Variants in PSG2 observed in about 807,000 individuals in gnomAD.
The protein encoded by PSG2 is pregnancy specific beta-1-glycoprotein 2.
A neutral mutation model predicts 36.2 loss-of-function variants in PSG2; 49 were observed. The observed-to-expected ratio is 1.35, with a 90% CI of 1.08 to 1.72. PSG2 has a LOEUF of 1.72. Ranked by LOEUF, PSG2 falls within the 40% of genes most tolerant of loss-of-function variation. The probability of loss-of-function intolerance (pLI) is 0.00; values close to 1 mark genes in which losing one functional copy is unlikely to be tolerated. For synonymous variants in PSG2, 261 were observed against 155.6 expected, an observed-to-expected ratio of 1.68 and a Z score of -5.04; for missense variants, 605 against 407.2, an observed-to-expected ratio of 1.49 and a Z score of -4.18.
At chr19:43,069,735 A>C (rs1967790310) in intron 4 of PSG2, among the ~76,000 whole-genome samples, 1 of 151,674 alleles carries the variant, frequency 6.6e-6, no homozygotes, top group Non-Finnish European at 1.5e-5. Context: ...GTAAGAGCAA[A>C]AACTGTACAA....
Position 43,081,032 on chromosome 19 carries a change from A to C in PSG2, c.279T>G (p.Pro93=), listed in dbSNP as rs1064916. 19 of 1,612,852 alleles carry C rather than the reference A, an allele frequency of 1.2e-5. No homozygotes were observed. The highest frequency in any genetic ancestry group is 1.5e-5 in the Non-Finnish European group (18 of 1,179,674). The part of the protein sequence containing the change: ...VVDGQIIIYG[P]AYSGRETAYS... ...ATGCTGTTTCTCGTCCACTATATGC[A>C]GGCCCATATATAATTATTTGACCGT... Residue 93 remains proline, a synonymous_variant, in exon 2 of 6, where the codon CCT becomes CCG. Transcript: ENST00000406487.
intron 2 of PSG2, among the ~76,000 whole-genome samples, chr19:43,078,305 G>A (rs1391028290): frequency 6.6e-6 from 1 of 151,746 alleles, no homozygotes; most frequent in Admixed American, 6.6e-5. Context: ...GAAAGACCAT[G>A]AGATTAAGAT....
At chr19:43,079,502 T>A (rs1226836702) in intron 2 of PSG2, among the ~76,000 whole-genome samples, 4 of 150,266 alleles carry the variant, frequency 2.7e-5, no homozygotes, top group African/African-American at 1.0e-4. Flanking sequence ...CTTCATTTGT[T>A]ATGTGAGAGC....
intron 4 of PSG2, among the ~76,000 whole-genome samples, chr19:43,070,654 T>C (rs1424893718): frequency 1.3e-5 from 2 of 151,596 alleles, no homozygotes; most frequent in Non-Finnish European, 2.9e-5. Flanking sequence ...GCCAGTTACA[T>C]AGAGACAGAA....
intron 3 of PSG2, among the ~76,000 whole-genome samples, chr19:43,074,790 G>T (rs1055336641): frequency 6.6e-6 from 1 of 151,778 alleles, no homozygotes; most frequent in African/African-American, 2.4e-5. Flanking sequence ...ATATGTTTTA[G>T]TGATTTGAGG....
Position 43,080,984 on chromosome 19 carries a change from G to T in PSG2, c.327C>A (p.Ile109=), listed in dbSNP as rs778070662. ...CTGCGTCCTCCCGGGTGACATTCTG[G>T]ATCAGCAGGGATGCATTGGAATATG... The part of the protein sequence containing the change: ...ETAYSNASLL[I]QNVTREDAGS... Residue 109 remains isoleucine, a synonymous_variant, in exon 2 of 6, where the codon ATC becomes ATA. Transcript: ENST00000406487. 1.1e-5 allele frequency: 18 copies of T among 1,612,962 alleles called. No individual in the cohort carries two copies. Among genetic ancestry groups the T allele is most frequent in the East Asian group, 2.2e-5 (1 of 44,888 alleles).
intron 4 of PSG2, among the ~76,000 whole-genome samples, chr19:43,070,575 T>C (rs1220367436): frequency 1.3e-5 from 2 of 151,752 alleles, no homozygotes; most frequent in Non-Finnish European, 2.9e-5. Context: ...GATATTATGC[T>C]AACTGAAATA....
chr19:43,072,206 G>A (rs1034938854), intron 3 of PSG2: 1 of 1,434,052 alleles, frequency 7.0e-7, no homozygotes, highest in Non-Finnish European at 9.4e-7. Flanking sequence ...GCCTACCCAG[G>A]TTTTCCCAGG....
At chr19:43,068,688 G>T (rs1177257789) in intron 4 of PSG2, among the ~76,000 whole-genome samples, 1 of 151,446 alleles carries the variant, frequency 6.6e-6, no homozygotes, top group African/African-American at 2.4e-5. Flanking sequence ...TTTTTCATAA[G>T]AAAAACATTG....
At chr19:43,072,570 C>T (rs1394653248) in intron 3 of PSG2, 1 of 1,611,382 alleles carries the variant, frequency 6.2e-7, no homozygotes, top group Non-Finnish European at 8.5e-7. Context: ...AAGGCTAATA[C>T]ATCCTTATTC....
chr19:43,066,186 G>A (rs1296540005), intron 5 of PSG2, among the ~76,000 whole-genome samples: 1 of 151,738 alleles, frequency 6.6e-6, no homozygotes, highest in Admixed American at 6.6e-5. Flanking sequence ...ACTTTGAGAA[G>A]TGGTTGAGCT....
rs550910412 is a variant in PSG2 at position 43,071,929 on chromosome 19, G to T, written c.735C>A (p.His245Gln). 6.2e-7 allele frequency: 1 copy of T among 1,612,764 alleles called. No homozygotes were observed. The highest frequency in any genetic ancestry group is 2.2e-5 in the East Asian group (1 of 44,874). Residue 245 changes from histidine (H) to glutamine (Q), a missense_variant, in exon 4 of 6, where the codon CAC becomes CAA. His to Gln is a conservative substitution (Grantham distance 24). Coordinates refer to ENST00000406487, the MANE Select transcript of PSG2 (RefSeq NM_031246.4). ...CTGAACGGTAATTGGTGTATGAAGGGTGAATTCTGGGGAGGTCTGGACCAT... is the reference window on the plus strand; with the variant it reads ...CTGAACGGTAATTGGTGTATGAAGGTTGAATTCTGGGGAGGTCTGGACCAT... ...LLHGPDLPRI[H>Q]PSYTNYRSGD...
At position 43,081,112 on chromosome 19, in the gene PSG2, A is replaced by T. The variant is rs1967966460; in HGVS notation, c.199T>A (p.Trp67Arg). 1.1e-5 allele frequency: 18 copies of T among 1,612,732 alleles called. No homozygotes were observed. The highest frequency in any genetic ancestry group is 1.4e-5 in the Non-Finnish European group (17 of 1,179,684). ...NLPQNLTGYI[W>R]YKGQIRDLYH... ...AGGTCCCTGATTTGCCCTTTGTACC[A>T]GATGTAGCCAGTAAGATTCTGGGGC... is the stretch of plus-strand genomic sequence containing the variant. Residue 67 changes from tryptophan to arginine, a missense_variant, in exon 2 of 6, where the codon TGG becomes AGG. Physicochemically the swap from Trp to Arg is moderately radical, Grantham distance 101 (BLOSUM62 -3). Coordinates refer to ENST00000406487, the MANE Select transcript of PSG2 (RefSeq NM_031246.4).
intron 2 of PSG2, among the ~76,000 whole-genome samples, chr19:43,078,081 T>C (rs752582865): frequency 6.6e-6 from 1 of 151,718 alleles, no homozygotes; most frequent in Non-Finnish European, 1.5e-5. Context: ...TGGTGAGTCA[T>C]TGCAGAGATT....
At position 43,081,396 on chromosome 19, in the gene PSG2, CACA is replaced by C. The variant is rs1473453829; in HGVS notation, c.65-153_65-151del. On this transcript the variant is annotated intron_variant, in intron 1 of 5. Transcript: ENST00000406487. ...ACACACACACACACACACACACACA[CACA>C]AAAGGGGCATGTGTGTTTGTATGTG... The C allele has an allele frequency of 3.8e-6, 4 of 1,055,550 alleles. No homozygotes were observed. In the African/African-American group the frequency reaches 7.8e-5, roughly 20 times the overall value. 65.4% of individuals were successfully genotyped at this position (1,055,550 alleles called of 1,614,324 possible).
intron 1 of PSG2, 142 bp from the exon 2 acceptor site, chr19:43,081,388 CA>C (rs1967973084): frequency 1.6e-6 from 2 of 1,250,370 alleles, no homozygotes; most frequent in East Asian, 3.7e-5. Flanking sequence ...CACACACACA[CA>C]CACACACACA....
Position 43,071,704 on chromosome 19 carries a change from G to A in PSG2, c.960C>T (p.Val320=). ...EESSTSLTVK[V]SASTRIGLLP... is the part of the protein sequence containing the mutation. ...AGGATGCTGGGATCCACTTACCAGA[G>A]ACTTTGACTGTCAACGATGTGGAGC... The change falls in exon 4 of 6, where the codon GTC becomes GTT. Residue 320 remains valine (V), a synonymous_variant. Transcript: ENST00000406487. 1 of 1,612,934 alleles carries A rather than the reference G, an allele frequency of 6.2e-7. No homozygotes were observed.
chr19:43,077,304 G>A (rs1967911137), intron 2 of PSG2, among the ~76,000 whole-genome samples: 1 of 151,690 alleles, frequency 6.6e-6, no homozygotes, highest in Admixed American at 6.6e-5. Context: ...GACAGAACTG[G>A]TCAGTGCATC....
chr19:43,077,303 G>T (rs1967911084), intron 2 of PSG2, among the ~76,000 whole-genome samples: 2 of 151,602 alleles, frequency 1.3e-5, no homozygotes, highest in Admixed American at 1.3e-4. Flanking sequence ...GGACAGAACT[G>T]GTCAGTGCAT....
Sources: allele counts gnomAD v4.1 joint callset (sites outside exome capture counted in the v4.1 genomes callset), GRCh38; gene constraint gnomAD v4.1.1; transcripts MANE v1.5; gene names NCBI Gene and HGNC (gene_info 2026-07-23, HGNC 2026-07-21).